The following GPHN variants were observed in gnomAD, a reference collection of about 807,000 sequenced individuals.
GPHN encodes the protein gephyrin.
In GPHN, 17 loss-of-function variants were observed where a neutral mutation model predicts 95.5. That is an observed-to-expected ratio of 0.18 (90% CI 0.12 to 0.27). The LOEUF (loss-of-function observed/expected upper bound fraction) is 0.27. GPHN is among the 10% of genes least tolerant of loss of function. The pLI, the probability that GPHN is intolerant of heterozygous loss-of-function variation, is 1.00. For synonymous variants in GPHN, 320 were observed against 322.5 expected, an observed-to-expected ratio of 0.99 and a Z score of 0.08; for missense variants, 660 against 978.1, an observed-to-expected ratio of 0.67 and a Z score of 4.34.
chr14:66,915,948 T>G, intron 5 of GPHN, 55 bp from the exon 6 acceptor site: 5 of 931,752 alleles, frequency 5.4e-6, no homozygotes, highest in South Asian at 5.2e-5. Context: ...CTTAATGTAT[T>G]TAAACCGGGC....
At chr14:67,279,386 A>T in the GPHN span, 4 of 1,613,876 alleles carry the variant, frequency 2.5e-6, no homozygotes, top group Non-Finnish European at 3.4e-6. Flanking sequence ...GGAGAGAGGA[A>T]GAAGGGAAAA....
chr14:67,459,725 T>G, the GPHN span, among the ~76,000 whole-genome samples: 1 of 152,210 alleles, frequency 6.6e-6, no homozygotes, highest in Non-Finnish European at 1.5e-5. Context: ...GTTCCTCACA[T>G]AGGCGCTCAA....
At chr14:67,576,441 C>T in the GPHN span, 1 of 1,611,194 alleles carries the variant, frequency 6.2e-7, no homozygotes, top group Non-Finnish European at 8.5e-7. This position sits in a 1 kb window ranked among gnomAD's most constrained non-coding sequence, Gnocchi z 4.0. Context: ...GGCAGCAGTG[C>T]CAAGGTGGGC....
the GPHN span, chr14:67,674,947 C>T: frequency 6.5e-6 from 1 of 152,738 alleles, no homozygotes; most frequent in African/African-American, 2.4e-5. Context: ...CGGACGAGAG[C>T]GTCTCGTCCC....
the GPHN span, chr14:67,364,022 T>G: frequency 5.9e-5 from 9 of 152,196 alleles, no homozygotes; most frequent in Non-Finnish European, 1.5e-5. Flanking sequence ...GTAAATATCT[T>G]TAATGCTTGG....
the GPHN span, among the ~76,000 whole-genome samples, chr14:67,626,258 GA>G: frequency 6.8e-5 from 10 of 146,876 alleles, no homozygotes; most frequent in Admixed American, 2.7e-4. Flanking sequence ...TGTCTCAGGG[GA>G]AAAAAAAAAC....
At position 66,918,362 on chromosome 14, in the gene GPHN, A is replaced by T. The variant is rs575977541; in HGVS notation, c.456+2293A>T. Among the ~76,000 whole-genome samples, 5 of 152,152 alleles carry T rather than the reference A, an allele frequency of 3.3e-5. No individual in the cohort carries two copies. In the East Asian group the frequency reaches 9.7e-4, roughly 29 times the overall value. On this transcript the variant is annotated intron_variant, in intron 6 of 22. Transcript: ENST00000478722. The stretch of plus-strand genomic sequence containing the variant: ...CAAACACTTACTGCCAGTGTGGCTG[A>T]CCTGTAATCTTTAATCCTAAAGTAG...
At chr14:67,615,697 G>T in the GPHN span, 1 of 494,068 alleles carries the variant, frequency 2.0e-6, no homozygotes. Context: ...GGCCCGTTAC[G>T]AAAGAGAAAT....
At chr14:67,500,346 C>A in the GPHN span, among the ~76,000 whole-genome samples, 4 of 150,558 alleles carry the variant, frequency 2.7e-5, no homozygotes, top group Non-Finnish European at 5.9e-5. Context: ...TGGTGGCGGG[C>A]GCCTGTAATC....
At chr14:67,544,657 A>G in the GPHN span, among the ~76,000 whole-genome samples, 1 of 152,376 alleles carries the variant, frequency 6.6e-6, no homozygotes, top group East Asian at 1.9e-4. Flanking sequence ...AGAACAAGAC[A>G]CTACCTAAAA....
At chr14:66,711,118 G>A (rs976579505) in intron 2 of GPHN, among the ~76,000 whole-genome samples, 3 of 152,036 alleles carry the variant, frequency 2.0e-5, no homozygotes, top group Non-Finnish European at 2.9e-5. Context: ...CTTTAGTGGT[G>A]ATTTGTGAGA....
At chr14:66,927,843 T>C (rs2066566378) in intron 8 of GPHN, among the ~76,000 whole-genome samples, 1 of 152,204 alleles carries the variant, frequency 6.6e-6, no homozygotes, top group African/African-American at 2.4e-5. Flanking sequence ...ATCACATTGA[T>C]TGATTTGCCT....
At chr14:67,067,054 C>A (rs543493380) in intron 11 of GPHN, among the ~76,000 whole-genome samples, 340 of 152,270 alleles carry the variant, frequency 2.2e-3, no homozygotes, top group African/African-American at 7.7e-3. Flanking sequence ...TGGATTCTCA[C>A]CATCTTTGTG....
the GPHN span, among the ~76,000 whole-genome samples, chr14:67,243,346 C>G: frequency 1.3e-5 from 2 of 151,894 alleles, no homozygotes; most frequent in East Asian, 3.9e-4. Flanking sequence ...CGCCACCACA[C>G]CTGGCTAATT....
intron 5 of GPHN, among the ~76,000 whole-genome samples, chr14:66,890,717 A>G (rs1268117950): frequency 2.6e-5 from 4 of 152,148 alleles, no homozygotes; most frequent in Non-Finnish European, 5.9e-5. Context: ...TATTAAAAAG[A>G]ATTATACAAG....
At chr14:67,574,504 T>C in the GPHN span, 2 of 969,132 alleles carry the variant, frequency 2.1e-6, no homozygotes, top group South Asian at 2.3e-5. The surrounding 1 kb of genome is among the most constrained non-coding windows in gnomAD (Gnocchi z 4.2). Context: ...TATACGGGGC[T>C]CCTTTCTCTG....
intron 10 of GPHN, among the ~76,000 whole-genome samples, chr14:67,056,279 A>G (rs112145843): frequency 0.048 from 7,262 of 152,246 alleles, 204 homozygotes; most frequent in Middle Eastern, 0.068. Flanking sequence ...TGGTGCATTT[A>G]CAATCCTTTA....
chr14:67,554,224 C>T, the GPHN span, among the ~76,000 whole-genome samples: 8 of 152,334 alleles, frequency 5.3e-5, no homozygotes, highest in Admixed American at 3.9e-4. Context: ...TGTCTAGCAG[C>T]AGGCTGGGGG....
At chr14:66,926,280 C>T (rs2066478155) in intron 8 of GPHN, among the ~76,000 whole-genome samples, 1 of 151,984 alleles carries the variant, frequency 6.6e-6, no homozygotes, top group Admixed American at 6.6e-5. Context: ...CATTGGTTGC[C>T]TGTGTTTGTG....
Sources: allele counts gnomAD v4.1 joint callset (sites outside exome capture counted in the v4.1 genomes callset), GRCh38; gene constraint gnomAD v4.1.1; non-coding constraint Gnocchi (gnomAD v3.1); transcripts MANE v1.5; gene names NCBI Gene and HGNC (gene_info 2026-07-23, HGNC 2026-07-21).